Variants in ZEB2 observed in about 807,000 individuals in gnomAD.
The protein encoded by ZEB2 is zinc finger E-box-binding homeobox 2.
In ZEB2, 6 loss-of-function variants were observed where a neutral mutation model predicts 99.9. The observed-to-expected ratio is 0.06, with a 90% CI of 0.03 to 0.12. The LOEUF (loss-of-function observed/expected upper bound fraction) is 0.12, where lower values mean the gene tolerates loss of function less well. Among genes scored for constraint, ZEB2 ranks in the 10% least tolerant of loss-of-function variants. The probability of loss-of-function intolerance (pLI) is 1.00; values close to 1 mark genes in which losing one functional copy is unlikely to be tolerated. For synonymous variants in ZEB2, 517 were observed against 542.5 expected, an observed-to-expected ratio of 0.95 and a Z score of 0.65; for missense variants, 969 against 1,502.8, an observed-to-expected ratio of 0.64 and a Z score of 5.87.
rs556025519 is a variant in ZEB2 at position 144,407,178 on chromosome 2, T to C, written c.404-2154A>G. On this transcript the variant is annotated intron_variant, in intron 4 of 9. Coordinates refer to ENST00000627532, the MANE Select transcript of ZEB2 (RefSeq NM_014795.4). ...CCACTAAACTAAGCGCCAGTAATCCTGAATGCTGTGATCTCAAACCTTTCT... is the reference window on the plus strand; with the variant it reads ...CCACTAAACTAAGCGCCAGTAATCCCGAATGCTGTGATCTCAAACCTTTCT... Among the ~76,000 whole-genome samples the C allele has an allele frequency of 3.3e-5, 5 of 152,352 alleles. No homozygotes were observed. The East Asian group carries it at 9.6e-4, about 29-fold the overall frequency.
intron 2 of ZEB2, chr2:144,513,297 C>T: frequency 1.5e-6 from 2 of 1,292,544 alleles, no homozygotes; most frequent in Non-Finnish European, 2.0e-6. Flanking sequence ...GATTGTTTCT[C>T]CTCTAGGATC....
intron 2 of ZEB2, among the ~76,000 whole-genome samples, chr2:144,465,197 A>T (rs1287147716): frequency 6.6e-6 from 1 of 152,148 alleles, no homozygotes; most frequent in Non-Finnish European, 1.5e-5. Context: ...AACTCTTTAT[A>T]TGTTGTAGTG....
At chr2:144,428,640 T>C (rs1419060419) in intron 3 of ZEB2, 1 of 152,192 alleles carries the variant, frequency 6.6e-6, no homozygotes, top group Non-Finnish European at 1.5e-5. Context: ...GTACTCAAAT[T>C]GCCATCAGTC....
chr2:144,478,935 A>G (rs1704468600), intron 2 of ZEB2, among the ~76,000 whole-genome samples: 3 of 152,236 alleles, frequency 2.0e-5, no homozygotes, highest in Non-Finnish European at 4.4e-5. Context: ...AAATCAATTG[A>G]AGAACCCAAA....
At position 144,404,377 on chromosome 2, in the gene ZEB2, TG is replaced by T. The variant is rs1257342278; in HGVS notation, c.593-248del. Among the ~76,000 whole-genome samples, 5 of 40,874 alleles carry T rather than the reference TG, an allele frequency of 1.2e-4. 1 individual carries two copies. The highest frequency in any genetic ancestry group is 5.6e-4 in the Admixed American group (2 of 3,582). The allele number at this position is 40,874 out of a possible 152,430, so 26.8% of individuals were successfully genotyped here. On this transcript the variant is annotated intron_variant, in intron 5 of 9. Coordinates refer to ENST00000627532, the MANE Select transcript of ZEB2 (RefSeq NM_014795.4). ...TTCAGGTTTTTTTTTTTTGGGGGGG[TG>T]GGGGGGACTTAAACAGCTGATAAAT...
chr2:144,438,738 T>C (rs115333151), intron 2 of ZEB2, among the ~76,000 whole-genome samples: 4 of 152,200 alleles, frequency 2.6e-5, no homozygotes, highest in African/African-American at 9.7e-5. Flanking sequence ...TTCACTTCCC[T>C]ACCCAAAGGA....
Position 144,483,148 on chromosome 2 carries a change from A to ACACACATG in ZEB2, c.73+34129_73+34130insCATGTGTG, listed in dbSNP as rs1553968379. On this transcript the variant is annotated intron_variant, in intron 2 of 9. Coordinates refer to ENST00000627532, the MANE Select transcript of ZEB2 (RefSeq NM_014795.4). ...CACACACACACACACACACACACACACACACACACACACACATACCCTAAG... is the reference window on the plus strand; with the variant it reads ...CACACACACACACACACACACACACACACACATGCACACACACACACACATACCCTAAG... 8.8e-4 allele frequency among the ~76,000 whole-genome samples: 127 copies of ACACACATG among 144,114 alleles called. 3 individuals are homozygous for ACACACATG. Among genetic ancestry groups the ACACACATG allele is most frequent in the African/African-American group, 3.1e-3 (121 of 39,640 alleles). The allele number at this position is 144,114 out of a possible 152,430, so 94.5% of individuals were successfully genotyped here. A position where few individuals can be genotyped will look rare whatever the true frequency, so the allele number is the denominator to read the frequency against.
chr2:144,493,064 C>A (rs550506941), intron 2 of ZEB2, among the ~76,000 whole-genome samples: 1 of 152,100 alleles, frequency 6.6e-6, no homozygotes, highest in East Asian at 1.9e-4. Flanking sequence ...AGAAAAAGTA[C>A]CATGTATATT....
At chr2:144,504,423 C>G (rs1704924547) in intron 2 of ZEB2, 1 of 152,812 alleles carries the variant, frequency 6.5e-6, no homozygotes, top group Admixed American at 6.5e-5. Context: ...TCAACCTCCC[C>G]CCACCCCTCT....
chr2:144,507,445 C>T (rs1019058065), intron 2 of ZEB2: 3 of 152,224 alleles, frequency 2.0e-5, no homozygotes, highest in Non-Finnish European at 2.9e-5. Flanking sequence ...ATCTCAATCC[C>T]TGGACCCAGC....
At chr2:144,441,330 C>T (rs1347698630) in intron 2 of ZEB2, among the ~76,000 whole-genome samples, 1 of 152,048 alleles carries the variant, frequency 6.6e-6, no homozygotes, top group Non-Finnish European at 1.5e-5. Flanking sequence ...GCGGCCTAAG[C>T]CTGGACGTGG....
rs1206097590 is a variant in ZEB2, at chr2:144,385,042, A to C, written c.*4409T>G. 11 of 152,204 alleles carry C rather than the reference A, an allele frequency of 7.2e-5. No individual in the cohort carries two copies. Among genetic ancestry groups the C allele is most frequent in the Admixed American group, 6.5e-4 (10 of 15,278 alleles). The allele number at this position is 152,204 out of a possible 1,614,324, so 9.4% of individuals were successfully genotyped here. A position where few individuals can be genotyped will look rare whatever the true frequency, so the allele number is the denominator to read the frequency against. Reference sequence around the variant, plus strand: ...ATAATATTTATTAATATATAGAATGATCAGATGAGTCACCTGTGATTTTTC... The same window carrying C: ...ATAATATTTATTAATATATAGAATGCTCAGATGAGTCACCTGTGATTTTTC... On this transcript the variant is annotated 3_prime_UTR_variant, in exon 10 of 10. Coordinates refer to ENST00000627532, the MANE Select transcript of ZEB2 (RefSeq NM_014795.4).
intron 9 of ZEB2, 49 bp from the exon 10 acceptor site, chr2:144,390,077 T>C: frequency 1.9e-6 from 3 of 1,584,918 alleles, no homozygotes; most frequent in South Asian, 2.2e-5. Context: ...TTGCATGAAG[T>C]CTCTTTCCAC....
At chr2:144,471,536 T>G (rs1221693141) in intron 2 of ZEB2, among the ~76,000 whole-genome samples, 1 of 151,778 alleles carries the variant, frequency 6.6e-6, no homozygotes, top group African/African-American at 2.4e-5. Context: ...TTTTTTTTTT[T>G]GGCTTGGGTT....
At chr2:144,477,075 T>C (rs1704440167) in intron 2 of ZEB2, among the ~76,000 whole-genome samples, 1 of 152,200 alleles carries the variant, frequency 6.6e-6, no homozygotes, top group South Asian at 2.1e-4. Flanking sequence ...CTATTGATGT[T>C]TTACTGGCAA....
chr2:144,475,742 C>G (rs1158978717), intron 2 of ZEB2, among the ~76,000 whole-genome samples: 1 of 152,146 alleles, frequency 6.6e-6, no homozygotes, highest in East Asian at 1.9e-4. Flanking sequence ...ATGAAAAATG[C>G]TTTTAATTTG....
intron 2 of ZEB2, among the ~76,000 whole-genome samples, chr2:144,452,980 AT>A (rs11408751): frequency 6.0e-5 from 9 of 151,092 alleles, no homozygotes; most frequent in South Asian, 2.1e-4. Flanking sequence ...AAGGGAATTC[AT>A]TTTTTTTTAC....
chr2:144,483,152 A>ACACACACACACACGCG (rs1214250616), intron 2 of ZEB2, among the ~76,000 whole-genome samples: 9 of 151,604 alleles, frequency 5.9e-5, no homozygotes, highest in Non-Finnish European at 1.2e-4. Flanking sequence ...ACACACACAC[A>ACACACACACACACGCG]CACACACACA....
At chr2:144,486,213 CT>C (rs1317665377) in intron 2 of ZEB2, among the ~76,000 whole-genome samples, 3 of 152,086 alleles carry the variant, frequency 2.0e-5, no homozygotes, top group Admixed American at 1.3e-4. Context: ...CACATCTTTT[CT>C]TGAAAAGATT....
Sources: gnomAD v4.1 joint callset for allele counts (sites outside exome capture counted in the v4.1 genomes callset) on GRCh38, gnomAD v4.1.1 for gene constraint, MANE v1.5 for transcripts, NCBI Gene and HGNC (gene_info 2026-07-23, HGNC 2026-07-21) for gene names.